CCDC40: variants seen among roughly 807,000 people sequenced by gnomAD.
The protein encoded by CCDC40 is coiled-coil domain 40 molecular ruler complex subunit.
Under a neutral mutation model 124.5 loss-of-function variants are expected in CCDC40, and 104 were observed. The ratio of observed to expected loss-of-function variants is 0.84; its 90% confidence interval spans 0.71 to 0.98. The LOEUF is 0.98. Ranked by LOEUF, CCDC40 falls within the 50% of genes least tolerant of loss-of-function variation. The pLI is 0.00. For synonymous variants in CCDC40, 580 were observed against 602.9 expected, an observed-to-expected ratio of 0.96 and a Z score of 0.56; for missense variants, 1,463 against 1,503.9, an observed-to-expected ratio of 0.97 and a Z score of 0.45.
chr17:80,085,968 C>A (rs1255714347), intron 13 of CCDC40, 35 bp from the exon 14 acceptor site: 2 of 1,589,380 alleles, frequency 1.3e-6, no homozygotes, highest in South Asian at 1.1e-5. Flanking sequence ...CTGCGCCCAG[C>A]CCTAATTTTG....
chr17:80,068,208 AT>A (rs2038099607), intron 10 of CCDC40, among the ~76,000 whole-genome samples: 1 of 151,954 alleles, frequency 6.6e-6, no homozygotes, highest in South Asian at 2.1e-4. Context: ...TAATTTTTGT[AT>A]TTTTAGTAGA....
chr17:80,097,144 AGT>A, intron 18 of CCDC40, 99 bp from the exon 19 acceptor site: 1 of 1,245,518 alleles, frequency 8.0e-7, no homozygotes, highest in South Asian at 1.2e-5. Flanking sequence ...CCCTGGATGG[AGT>A]GTGTGGAAGG....
chr17:80,053,397 G>C (rs1419715744), intron 7 of CCDC40, among the ~76,000 whole-genome samples: 1 of 152,144 alleles, frequency 6.6e-6, no homozygotes, highest in Non-Finnish European at 1.5e-5. Context: ...AAACCACCAG[G>C]ACCTATCCCA....
At chr17:80,055,569 C>T (rs1374944241) in intron 7 of CCDC40, among the ~76,000 whole-genome samples, 1 of 152,050 alleles carries the variant, frequency 6.6e-6, no homozygotes, top group Non-Finnish European at 1.5e-5. Flanking sequence ...GCTGGGAAGA[C>T]GCATGATATA....
intron 3 of CCDC40, among the ~76,000 whole-genome samples, chr17:80,044,762 C>G (rs1371074931): frequency 6.8e-6 from 1 of 147,624 alleles, no homozygotes; most frequent in African/African-American, 2.6e-5. Flanking sequence ...AAACCAGTGT[C>G]TTCACCTTTG....
intron 18 of CCDC40, among the ~76,000 whole-genome samples, chr17:80,095,730 G>A (rs765089983): frequency 3.2e-4 from 48 of 152,326 alleles, no homozygotes; most frequent in African/African-American, 6.0e-4. Context: ...CTGCTGCTAC[G>A]GGGCCTGTCT....
At chr17:80,052,500 G>T (rs908513712) in intron 7 of CCDC40, among the ~76,000 whole-genome samples, 1 of 152,096 alleles carries the variant, frequency 6.6e-6, no homozygotes, top group African/African-American at 2.4e-5. Flanking sequence ...ATCTCCTTTG[G>T]CAACACCCTC....
chr17:80,084,433 C>T (rs535940914), intron 12 of CCDC40, among the ~76,000 whole-genome samples: 1 of 152,290 alleles, frequency 6.6e-6, no homozygotes, highest in African/African-American at 2.4e-5. Flanking sequence ...GGGGCCCTCC[C>T]TTGACATGTG....
chr17:80,053,782 G>A (rs1020348740), intron 7 of CCDC40, among the ~76,000 whole-genome samples: 1 of 152,088 alleles, frequency 6.6e-6, no homozygotes, highest in Non-Finnish European at 1.5e-5. Flanking sequence ...TGTAGATAAC[G>A]GGGTTTCACC....
intron 7 of CCDC40, among the ~76,000 whole-genome samples, chr17:80,056,016 A>ATATATATTTTTTTTT (rs71163913): frequency 9.8e-5 from 1 of 10,250 alleles, no homozygotes; most frequent in Non-Finnish European, 1.6e-4. Context: ...ATATATATAT[A>ATATATATTTTTTTTT]TTTTTTTTTT....
At chr17:80,045,478 T>C (rs561201755) in intron 3 of CCDC40, among the ~76,000 whole-genome samples, 78 of 151,794 alleles carry the variant, frequency 5.1e-4, no homozygotes, top group Non-Finnish European at 1.5e-5. Context: ...CCGAGGCGGG[T>C]GGATCACTTG....
At chr17:80,056,016 A>ATATATATATATATATATTTTTTTTTT in intron 7 of CCDC40, among the ~76,000 whole-genome samples, 1 of 10,250 alleles carries the variant, frequency 9.8e-5, no homozygotes, top group African/African-American at 3.5e-4. Context: ...ATATATATAT[A>ATATATATATATATATATTTTTTTTTT]TTTTTTTTTT....
At position 80,048,615 on chromosome 17, in the gene CCDC40, A is replaced by G. The variant is rs2143610594; in HGVS notation, c.709A>G (p.Arg237Gly). The change falls in exon 5 of 20, where the codon AGG becomes GGG. Residue 237 changes from arginine to glycine, a missense_variant. Coordinates refer to ENST00000397545, the MANE Select transcript of CCDC40 (RefSeq NM_017950.4). ...IPPGVPDAHP[R>G]EGDLPVFQDQ... The stretch of plus-strand genomic sequence containing the variant: ...CCCAGGGGTGCCCGATGCCCACCCC[A>G]GGGAAGGAGACCTGCCAGTGTTCCA... 6.2e-7 allele frequency: 1 copy of G among 1,613,934 alleles called. No individual in the cohort carries two copies. Among genetic ancestry groups the G allele is most frequent in the African/African-American group, 1.3e-5 (1 of 75,042 alleles).
chr17:80,090,567 A>G, intron 17 of CCDC40: 2 of 1,502,720 alleles, frequency 1.3e-6, no homozygotes, highest in South Asian at 1.3e-5. Flanking sequence ...TGCCGGTTGT[A>G]ACCCTCAAAC....
intron 13 of CCDC40, among the ~76,000 whole-genome samples, 158 bp from the exon 14 acceptor site, chr17:80,085,845 T>A (rs1192664194): frequency 6.6e-6 from 1 of 152,040 alleles, no homozygotes; most frequent in Non-Finnish European, 1.5e-5. Flanking sequence ...AATTTTTGTA[T>A]TTTGGGTAGA....
chr17:80,059,944 A>G lies in CCDC40; in HGVS notation c.1440+964A>G, dbSNP rs551909064. ...AAGGGAGGGCCCGGGGCTGGGCGTTACTCAGCACTGGTCTCTCCAGCTACA... is the reference window on the plus strand; with the variant it reads ...AAGGGAGGGCCCGGGGCTGGGCGTTGCTCAGCACTGGTCTCTCCAGCTACA... On this transcript the variant is annotated intron_variant, in intron 9 of 19. Coordinates refer to ENST00000397545, the MANE Select transcript of CCDC40 (RefSeq NM_017950.4). Among the ~76,000 whole-genome samples, 44 of 152,310 alleles carry G rather than the reference A, an allele frequency of 2.9e-4. No individual in the cohort carries two copies. In the South Asian group the frequency reaches 8.3e-3, roughly 29 times the overall value.
intron 3 of CCDC40, 131 bp from the exon 4 acceptor site, chr17:80,047,148 G>GT: frequency 1.9e-6 from 2 of 1,077,980 alleles, no homozygotes; most frequent in Admixed American, 2.0e-5. Flanking sequence ...GCCCGGCCAG[G>GT]TTTTTTAAAA....
intron 13 of CCDC40, 32 bp downstream of exon 13, chr17:80,085,020 G>T (rs535112798): frequency 6.2e-7 from 1 of 1,609,978 alleles, no homozygotes; most frequent in African/African-American, 1.3e-5. Flanking sequence ...CGTGGTCCCC[G>T]GCTGACTGTG....
At chr17:80,093,181 G>A (rs573589990) in intron 17 of CCDC40, among the ~76,000 whole-genome samples, 26 of 152,152 alleles carry the variant, frequency 1.7e-4, no homozygotes, top group Middle Eastern at 6.8e-3. Context: ...AAATTCCTCC[G>A]ACTTCCTTTT....
Sources: gnomAD v4.1 joint callset for allele counts (sites outside exome capture counted in the v4.1 genomes callset) on GRCh38, gnomAD v4.1.1 for gene constraint, MANE v1.5 for transcripts, NCBI Gene and HGNC (gene_info 2026-07-23, HGNC 2026-07-21) for gene names.